LIMS1: variants seen among roughly 807,000 people sequenced by gnomAD.
LIMS1 encodes the protein LIM zinc finger domain containing 1, also known as LIM and senescent cell antigen-like-containing domain protein 1.
In LIMS1, 18 loss-of-function variants were observed where a neutral mutation model predicts 44.1. The ratio of observed to expected loss-of-function variants is 0.41; its 90% CI spans 0.28 to 0.61. The LOEUF (loss-of-function observed/expected upper bound fraction) is 0.61, where lower values mean the gene tolerates loss of function less well. Among genes scored for constraint, LIMS1 ranks in the 20% least tolerant of loss-of-function variants. The pLI is 0.32. For missense variants in LIMS1, 201 were observed against 422.0 expected, an observed-to-expected ratio of 0.48 and a Z score of 4.59; for synonymous variants, 93 against 149.1, an observed-to-expected ratio of 0.62 and a Z score of 2.74.
intron 1 of LIMS1, among the ~76,000 whole-genome samples, chr2:108,551,532 C>T (rs1163963445): frequency 5.1e-5 from 7 of 138,008 alleles, no homozygotes; most frequent in East Asian, 2.0e-4. Flanking sequence ...CACACACACA[C>T]GAGACCTCTG....
At chr2:108,614,251 C>T (rs946451679) in intron 1 of LIMS1, among the ~76,000 whole-genome samples, 4 of 152,328 alleles carry the variant, frequency 2.6e-5, no homozygotes, top group East Asian at 1.9e-4. Context: ...TCACCATGCT[C>T]GGGCGCCTCC....
At chr2:108,609,041 G>A (rs1443232863) in intron 1 of LIMS1, among the ~76,000 whole-genome samples, 1 of 152,170 alleles carries the variant, frequency 6.6e-6, no homozygotes. Context: ...AGACAGCTGA[G>A]GTGGCGTCTT....
intron 1 of LIMS1, among the ~76,000 whole-genome samples, chr2:108,574,815 C>T (rs763176860): frequency 1.1e-4 from 17 of 152,104 alleles, no homozygotes; most frequent in African/African-American, 4.1e-4. Context: ...CCTTTTTCAG[C>T]TACGTTTTTT....
intron 9 of LIMS1, among the ~76,000 whole-genome samples, chr2:108,683,101 A>G (rs748051805): frequency 3.9e-5 from 6 of 152,196 alleles, no homozygotes; most frequent in African/African-American, 7.2e-5. Flanking sequence ...ACCGCTTACA[A>G]TGCAACCACA....
intron 1 of LIMS1, among the ~76,000 whole-genome samples, chr2:108,646,222 A>G (rs752830467): frequency 3.3e-5 from 5 of 152,222 alleles, no homozygotes; most frequent in Non-Finnish European, 7.3e-5. Flanking sequence ...AAAATTGATC[A>G]CATAATTGGA....
chr2:108,642,359 TTTTTTG>T (rs1689747809), intron 1 of LIMS1, among the ~76,000 whole-genome samples: 1 of 9,834 alleles, frequency 1.0e-4, no homozygotes, highest in Non-Finnish European at 3.8e-4. Context: ...TTTTTTTTTG[TTTTTTG>T]TTTTTTTTTT....
intron 2 of LIMS1, among the ~76,000 whole-genome samples, chr2:108,664,295 C>T (rs147899385): frequency 0.012 from 1,832 of 152,292 alleles, 44 homozygotes; most frequent in African/African-American, 0.043. Flanking sequence ...AGCTGGTTTC[C>T]GGTTCTGAGC....
chr2:108,562,555 T>C (rs1035423443), intron 1 of LIMS1, among the ~76,000 whole-genome samples: 1 of 152,084 alleles, frequency 6.6e-6, no homozygotes, highest in Non-Finnish European at 1.5e-5. Context: ...CAAAACCTAA[T>C]CCAAAGCAAG....
intron 1 of LIMS1, among the ~76,000 whole-genome samples, chr2:108,536,694 C>T (rs1279758890): frequency 6.6e-6 from 1 of 152,176 alleles, no homozygotes; most frequent in Non-Finnish European, 1.5e-5. Context: ...AATCCTTCCA[C>T]CTCAGTCCCC....
chr2:108,668,148 T>C (rs1691916621), intron 2 of LIMS1, among the ~76,000 whole-genome samples: 3 of 152,310 alleles, frequency 2.0e-5, no homozygotes, highest in African/African-American at 7.2e-5. Flanking sequence ...AAAAATCAAA[T>C]CAGGGTATTT....
intron 1 of LIMS1, among the ~76,000 whole-genome samples, chr2:108,630,686 A>C (rs1688864948): frequency 6.8e-6 from 1 of 148,144 alleles, no homozygotes; most frequent in Non-Finnish European, 1.5e-5. Context: ...CCCAGTAGTC[A>C]GGAATATAAC....
rs201934019 is a variant in LIMS1 at position 108,598,169 on chromosome 2, C to T, written c.33-61436C>T. ...TTACCCCTCATCCCTACAACTGCAG[C>T]GTGGGCTATTTCATAGATTAGGACA... On this transcript the variant is annotated intron_variant, in intron 1 of 9. Coordinates refer to ENST00000544547, the Ensembl canonical transcript of LIMS1. Among the ~76,000 whole-genome samples the T allele has an allele frequency of 3.6e-3, 552 of 151,702 alleles. 27 individuals carry two copies. The East Asian group carries it at 0.09, about 25-fold the overall frequency.
In LIMS1 at chr2:108,578,830, G is replaced by A. The variant is rs563459121; in HGVS notation, c.32+44236G>A. ...AGGATGGTCTCAATCTCCTGACCTCGTGATCTGTCTGCCTCAGCCTCCCAA... is the reference window on the plus strand; with the variant it reads ...AGGATGGTCTCAATCTCCTGACCTCATGATCTGTCTGCCTCAGCCTCCCAA... On this transcript the variant is annotated intron_variant, in intron 1 of 9. Coordinates refer to ENST00000544547, the Ensembl canonical transcript of LIMS1. Among the ~76,000 whole-genome samples, 31 of 152,102 alleles carry A rather than the reference G, an allele frequency of 2.0e-4. No homozygotes were observed. The East Asian group carries it at 5.0e-3, about 25-fold the overall frequency.
intron 1 of LIMS1, among the ~76,000 whole-genome samples, chr2:108,559,473 G>A (rs1454083491): frequency 6.6e-6 from 1 of 151,946 alleles, no homozygotes; most frequent in Non-Finnish European, 1.5e-5. Flanking sequence ...TTCTCATTGC[G>A]GTCTTATAAT....
At chr2:108,645,355 A>G (rs1211803116) in intron 1 of LIMS1, among the ~76,000 whole-genome samples, 1 of 152,206 alleles carries the variant, frequency 6.6e-6, no homozygotes, top group Non-Finnish European at 1.5e-5. Flanking sequence ...TCTTAAAGGA[A>G]AGAATTTTCA....
chr2:108,678,129 G>C (rs545646455), intron 8 of LIMS1, 102 bp downstream of exon 8: 1 of 1,550,762 alleles, frequency 6.4e-7, no homozygotes. Flanking sequence ...AAATGTGATC[G>C]TTATCAGTTA....
In LIMS1 at chr2:108,648,504, A is replaced by T. The variant is rs566659844; in HGVS notation, c.33-11101A>T. On this transcript the variant is annotated intron_variant, in intron 1 of 9. Transcript: ENST00000544547. ...AAAAAAGAGCCTGCATAGCCAAGACATTCCTAACCAAAAAGAACAAAGCTG... is the reference window on the plus strand; with the variant it reads ...AAAAAAGAGCCTGCATAGCCAAGACTTTCCTAACCAAAAAGAACAAAGCTG... Among the ~76,000 whole-genome samples, 20 of 152,372 alleles carry T rather than the reference A, an allele frequency of 1.3e-4. 1 individual carries two copies. The South Asian group carries it at 3.9e-3, about 30-fold the overall frequency.
chr2:108,652,538 G>A (rs1429571503), intron 1 of LIMS1, among the ~76,000 whole-genome samples: 3 of 152,254 alleles, frequency 2.0e-5, no homozygotes, highest in African/African-American at 7.2e-5. Context: ...GTTGGAGTGT[G>A]CAGAGGTATG....
At chr2:108,580,840 T>C (rs1204293451) in intron 1 of LIMS1, among the ~76,000 whole-genome samples, 1 of 152,150 alleles carries the variant, frequency 6.6e-6, no homozygotes, top group Non-Finnish European at 1.5e-5. Flanking sequence ...CATTCAGTTA[T>C]GAAGTAATAA....
Sources: allele counts gnomAD v4.1 joint callset (sites outside exome capture counted in the v4.1 genomes callset), GRCh38; gene constraint gnomAD v4.1.1; transcripts MANE v1.5; gene names NCBI Gene and HGNC (gene_info 2026-07-23, HGNC 2026-07-21).